Variants in CDH9 observed in about 807,000 individuals in gnomAD.
CDH9 encodes the protein cadherin 9.
In CDH9, 28 loss-of-function variants were observed where a neutral mutation model predicts 70.9. The observed-to-expected ratio is 0.40, with a 90% confidence interval of 0.29 to 0.54. CDH9 has a LOEUF of 0.54. Ranked by LOEUF, CDH9 falls within the 20% of genes least tolerant of loss-of-function variation. The pLI, the probability that CDH9 is intolerant of heterozygous loss-of-function variation, is 0.59. For missense variants in CDH9, 874 were observed against 984.4 expected, an observed-to-expected ratio of 0.89 and a Z score of 1.50; for synonymous variants, 409 against 343.1, an observed-to-expected ratio of 1.19 and a Z score of -2.12.
intron 2 of CDH9, among the ~76,000 whole-genome samples, chr5:26,952,764 T>C (rs946471338): frequency 9.3e-5 from 14 of 150,354 alleles, no homozygotes; most frequent in Non-Finnish European, 2.1e-4. Flanking sequence ...GATTAATGGG[T>C]TAATGGACAA....
chr5:26,883,041 T>TTAGAGATATATATATATA lies in CDH9; in HGVS notation c.1883-1419_1883-1418insTATATATATATATCTCTA, dbSNP rs1221330777. ...AAGCTGAGCTATATTCAGGATCATC[T>TTAGAGATATATATATATA]TATATATATATATATATATATATAT... On this transcript the variant is annotated intron_variant, in intron 11 of 11. Transcript: ENST00000231021. Among the ~76,000 whole-genome samples, 2 of 58,040 alleles carry TTAGAGATATATATATATA rather than the reference T, an allele frequency of 3.4e-5. 1 individual carries two copies. Among genetic ancestry groups the TTAGAGATATATATATATA allele is most frequent in the African/African-American group, 1.3e-4 (2 of 15,232 alleles). 38.1% of individuals were successfully genotyped at this position (58,040 alleles called of 152,430 possible).
chr5:26,903,578 G>A, intron 6 of CDH9, 59 bp downstream of exon 6: 1 of 1,163,386 alleles, frequency 8.6e-7, no homozygotes, highest in Non-Finnish European at 1.3e-6. Flanking sequence ...TCCCTTTACT[G>A]AAAAGCAAAC....
chr5:26,915,012 A>C (rs1167882433), intron 3 of CDH9, among the ~76,000 whole-genome samples: 1 of 152,080 alleles, frequency 6.6e-6, no homozygotes, highest in African/African-American at 2.4e-5. Flanking sequence ...GAAGTGAAAC[A>C]ATTATTTTCA....
At chr5:27,000,674 T>A (rs1335844299) in intron 1 of CDH9, among the ~76,000 whole-genome samples, 2 of 152,134 alleles carry the variant, frequency 1.3e-5, no homozygotes, top group Non-Finnish European at 2.9e-5. Flanking sequence ...GTTTATAGAA[T>A]CTTTATTCTT....
At chr5:26,925,083 G>A (rs1741313112) in intron 2 of CDH9, among the ~76,000 whole-genome samples, 1 of 151,998 alleles carries the variant, frequency 6.6e-6, no homozygotes, top group Non-Finnish European at 1.5e-5. Context: ...GGCATCACTG[G>A]GTCAAATGGT....
intron 1 of CDH9, among the ~76,000 whole-genome samples, chr5:27,024,259 T>G (rs1385225435): frequency 2.6e-5 from 4 of 152,004 alleles, no homozygotes; most frequent in African/African-American, 9.7e-5. Flanking sequence ...AAAGTATGAC[T>G]GCTTACATAA....
intron 2 of CDH9, among the ~76,000 whole-genome samples, chr5:26,934,456 C>A (rs748833513): frequency 6.6e-6 from 1 of 152,004 alleles, no homozygotes; most frequent in Non-Finnish European, 1.5e-5. Flanking sequence ...CAGAACAAGA[C>A]CCATCTCAAA....
At chr5:27,018,963 C>G (rs760994280) in intron 1 of CDH9, among the ~76,000 whole-genome samples, 5 of 151,832 alleles carry the variant, frequency 3.3e-5, no homozygotes, top group Admixed American at 2.6e-4. Flanking sequence ...TCCTTTGTCC[C>G]AAAGTAAAAT....
chr5:26,906,445 C>A (rs1286130172), intron 4 of CDH9, among the ~76,000 whole-genome samples: 1 of 151,976 alleles, frequency 6.6e-6, no homozygotes, highest in Non-Finnish European at 1.5e-5. Context: ...TTTGAGTATT[C>A]TCTATGCCAC....
At chr5:26,989,293 G>A (rs1441361728) in intron 1 of CDH9, among the ~76,000 whole-genome samples, 1 of 151,950 alleles carries the variant, frequency 6.6e-6, no homozygotes, top group African/African-American at 2.4e-5. Flanking sequence ...TAATTTGTAT[G>A]ATACTTAATT....
chr5:27,030,847 T>A (rs1290781940), intron 1 of CDH9, among the ~76,000 whole-genome samples: 8 of 151,834 alleles, frequency 5.3e-5, no homozygotes. Context: ...TTAAATATAG[T>A]GAGAGTAATT....
chr5:26,961,826 C>CT (rs527585380), intron 2 of CDH9, among the ~76,000 whole-genome samples: 5 of 151,934 alleles, frequency 3.3e-5, no homozygotes, highest in Non-Finnish European at 4.4e-5. Flanking sequence ...CAGAAGCCCC[C>CT]TTTTTTTTAA....
At chr5:26,943,113 A>G (rs1019031276) in intron 2 of CDH9, among the ~76,000 whole-genome samples, 2 of 152,170 alleles carry the variant, frequency 1.3e-5, no homozygotes, top group African/African-American at 4.8e-5. Context: ...ACTTTAAGAA[A>G]ACTAAGTGAA....
At chr5:26,921,656 T>G (rs2112012448) in intron 2 of CDH9, among the ~76,000 whole-genome samples, 1 of 152,338 alleles carries the variant, frequency 6.6e-6, no homozygotes, top group East Asian at 1.9e-4. Context: ...CAGCCTGCTC[T>G]GCCTCATCTT....
chr5:26,975,185 C>T (rs564223159), intron 2 of CDH9, among the ~76,000 whole-genome samples: 9 of 152,042 alleles, frequency 5.9e-5, no homozygotes, highest in Non-Finnish European at 1.2e-4. Context: ...GACATTGTTA[C>T]CAGAAAAGAA....
chr5:26,912,260 A>T (rs1741067023), intron 3 of CDH9, among the ~76,000 whole-genome samples: 1 of 152,106 alleles, frequency 6.6e-6, no homozygotes, highest in African/African-American at 2.4e-5. Flanking sequence ...TATGGGATAC[A>T]CAAGGCATGA....
intron 1 of CDH9, among the ~76,000 whole-genome samples, chr5:27,021,789 T>C (rs1034434323): frequency 6.6e-5 from 10 of 151,976 alleles, no homozygotes. Flanking sequence ...ATTGTAAAAC[T>C]GCATTTTACA....
At chr5:26,904,111 T>C (rs1740905032) in intron 5 of CDH9, among the ~76,000 whole-genome samples, 1 of 151,840 alleles carries the variant, frequency 6.6e-6, no homozygotes, top group African/African-American at 2.4e-5. Flanking sequence ...TCCAGAACTT[T>C]TGGCTTAAAA....
intron 1 of CDH9, among the ~76,000 whole-genome samples, chr5:27,001,118 A>G (rs1742759888): frequency 6.6e-6 from 1 of 152,146 alleles, no homozygotes; most frequent in African/African-American, 2.4e-5. Context: ...TATACAAATT[A>G]AAAGAAAAAA....
Sources: allele counts gnomAD v4.1 joint callset (sites outside exome capture counted in the v4.1 genomes callset), GRCh38; gene constraint gnomAD v4.1.1; transcripts MANE v1.5; gene names NCBI Gene and HGNC (gene_info 2026-07-23, HGNC 2026-07-21).